The following SLC66A1 variants were observed in gnomAD, a reference collection of about 807,000 sequenced individuals.
The protein encoded by SLC66A1 is solute carrier family 66 member 1.
SLC66A1 carries 23 observed loss-of-function variants against 33.0 expected under a neutral mutation model. The ratio of observed to expected loss-of-function variants is 0.70; its 90% CI spans 0.50 to 0.99. The LOEUF is 0.99. SLC66A1 is among the 50% of genes least tolerant of loss of function. The probability of loss-of-function intolerance (pLI) is 0.00; values close to 1 mark genes in which losing one functional copy is unlikely to be tolerated. For synonymous variants in SLC66A1, 164 were observed against 175.5 expected, an observed-to-expected ratio of 0.93 and a Z score of 0.52; for missense variants, 335 against 383.6, an observed-to-expected ratio of 0.87 and a Z score of 1.06.
In SLC66A1 at chr1:19,326,378, G is replaced by GTCCGTGGGCGCTCCTGTCCGT. The variant is rs2093866972; in HGVS notation, c.516_517insTCCGTGGGCGCTCCTGTCCGT (p.Ser172_Gly173insSerValGlyAlaProValArg). On this transcript the variant is annotated inframe_insertion, in exon 5 of 8. Coordinates refer to ENST00000375153, the MANE Select transcript of SLC66A1 (RefSeq NM_001040125.2). ...GGCGGGCGCTCCTGTCCGTGGAGTC[G>GTCCGTGGGCGCTCCTGTCCGT]GGCAGCAAGGTGAGGCGTGGGCGTG... 5 of 1,606,464 alleles carry GTCCGTGGGCGCTCCTGTCCGT rather than the reference G, an allele frequency of 3.1e-6. No homozygotes were observed. The highest frequency in any genetic ancestry group is 4.2e-6 in the Non-Finnish European group (5 of 1,178,582).
chr1:19,334,058 C>T (rs552033867), downstream of SLC66A1, among the ~76,000 whole-genome samples: 1 of 152,380 alleles, frequency 6.6e-6, no homozygotes, highest in East Asian at 1.9e-4. Context: ...TGGGACAGCC[C>T]TGGGGACACA....
At chr1:19,330,159 T>C (rs1454347742), downstream of SLC66A1, among the ~76,000 whole-genome samples, 2 of 151,990 alleles carry the variant, frequency 1.3e-5, no homozygotes, top group Admixed American at 6.6e-5. Context: ...TCCACTTTCC[T>C]GGGGGTCATG....
In SLC66A1 at chr1:19,327,303, T is replaced by C; in HGVS notation, c.695T>C (p.Leu232Pro). Reference sequence around the variant, plus strand: ...ATGCTGGGGAACACGCTGTATGGGCTGAGCGTGCTGCTCAAAAACCCCGAG... The same window carrying C: ...ATGCTGGGGAACACGCTGTATGGGCCGAGCGTGCTGCTCAAAAACCCCGAG... ...LVMLGNTLYG[L>P]SVLLKNPEEG... Residue 232 changes from leucine (L) to proline (P), a missense_variant, in exon 7 of 8, where the codon CTG becomes CCG. Coordinates refer to ENST00000375153, the MANE Select transcript of SLC66A1 (RefSeq NM_001040125.2). 1.9e-6 allele frequency: 3 copies of C among 1,613,780 alleles called. No individual in the cohort carries two copies. The highest frequency in any genetic ancestry group is 2.5e-6 in the Non-Finnish European group (3 of 1,179,854).
At chr1:19,324,563 T>C in intron 2 of SLC66A1, 70 bp from the exon 3 acceptor site, 2 of 1,580,102 alleles carry the variant, frequency 1.3e-6, no homozygotes, top group African/African-American at 2.7e-5. Context: ...CTCTGGGCGG[T>C]GTCCCCTATA....
At chr1:19,314,284 A>G (rs1172915059) in intron 1 of SLC66A1, among the ~76,000 whole-genome samples, 1 of 152,204 alleles carries the variant, frequency 6.6e-6, no homozygotes, top group Non-Finnish European at 1.5e-5. Context: ...TCCTGGATCC[A>G]TAAACCAAGG....
At chr1:19,320,507 G>A (rs543596198) in intron 2 of SLC66A1, among the ~76,000 whole-genome samples, 8 of 148,604 alleles carry the variant, frequency 5.4e-5, no homozygotes, top group East Asian at 4.0e-4. Flanking sequence ...TCTGCCTTCC[G>A]GGTTCACGCC....
chr1:19,316,305 G>A (rs989081496), intron 1 of SLC66A1, among the ~76,000 whole-genome samples: 24 of 151,700 alleles, frequency 1.6e-4, no homozygotes, highest in African/African-American at 5.8e-4. Flanking sequence ...GGGATCCCTT[G>A]CTCCTCTTCT....
chr1:19,328,738 A>G lies in SLC66A1; in HGVS notation c.*95A>G. The G allele has an allele frequency of 7.3e-7, 1 of 1,367,572 alleles. No individual in the cohort carries two copies. Among genetic ancestry groups the G allele is most frequent in the Non-Finnish European group, 1.0e-6 (1 of 987,988 alleles). 84.7% of individuals were successfully genotyped at this position (1,367,572 alleles called of 1,614,324 possible). A position where few individuals can be genotyped will look rare whatever the true frequency, so the allele number is the denominator to read the frequency against. ...AGTGATGGTACGGCGGCCCTGCATC[A>G]GCCTGCGGGTGGCCTCTGGATCCTC... On this transcript the variant is annotated 3_prime_UTR_variant, in exon 8 of 8. Coordinates refer to ENST00000375153, the MANE Select transcript of SLC66A1 (RefSeq NM_001040125.2). The surrounding 1 kb of genome is among the most constrained non-coding windows in gnomAD (Gnocchi z 4.7).
chr1:19,325,645 G>GC (rs1442971582), intron 4 of SLC66A1, 63 bp downstream of exon 4: 7 of 1,291,734 alleles, frequency 5.4e-6, no homozygotes, highest in Non-Finnish European at 7.7e-6. Context: ...TTGTGGGGGG[G>GC]GGCGCCTGGA....
chr1:19,325,647 GC>G (rs2152012565), intron 4 of SLC66A1, 65 bp downstream of exon 4: 13 of 1,190,480 alleles, frequency 1.1e-5, no homozygotes, highest in Non-Finnish European at 1.3e-5. Flanking sequence ...GTGGGGGGGG[GC>G]GCCTGGAGTG....
At chr1:19,317,311 CTT>C (rs908222007) in intron 1 of SLC66A1, among the ~76,000 whole-genome samples, 12 of 152,218 alleles carry the variant, frequency 7.9e-5, no homozygotes, top group African/African-American at 2.9e-4. Context: ...AAGGCTGAGT[CTT>C]TGCCCAAAGT....
At position 19,321,169 on chromosome 1, in the gene SLC66A1, C is replaced by CTTTTTTTTTTTTT. The variant is rs71577887; in HGVS notation, c.164+3338_164+3350dup. 3.2e-4 allele frequency among the ~76,000 whole-genome samples: 26 copies of CTTTTTTTTTTTTT among 82,108 alleles called. 1 individual carries two copies. The highest frequency in any genetic ancestry group is 5.0e-4 in the South Asian group (1 of 2,006). 53.9% of individuals were successfully genotyped at this position (82,108 alleles called of 152,430 possible). ...TAACAAAGATTTATCCTTATCTCTTCTTTTTTTTTTTTTTTTTTTTTTGAG... is the reference window on the plus strand; with the variant it reads ...TAACAAAGATTTATCCTTATCTCTTCTTTTTTTTTTTTTTTTTTTTTTTTTTTTTTTTTTTGAG... On this transcript the variant is annotated intron_variant, in intron 2 of 7. Transcript: ENST00000375153.
intron 2 of SLC66A1, among the ~76,000 whole-genome samples, chr1:19,322,591 G>A (rs1485952935): frequency 6.6e-6 from 1 of 152,226 alleles, no homozygotes; most frequent in Non-Finnish European, 1.5e-5. Context: ...GGGATGTCAA[G>A]TGTTTCAAAG....
rs778694571 is a variant in SLC66A1, at chr1:19,326,261, C to T, written c.399C>T (p.Asn133=). The T allele has an allele frequency of 6.2e-7, 1 of 1,605,432 alleles. No individual in the cohort carries two copies. Among genetic ancestry groups the T allele is most frequent in the Non-Finnish European group, 8.5e-7 (1 of 1,179,588 alleles). ...TRPSLLSAPI[N]SVLLFLMGMA... ...TGTGTGCAGTGTCTGCCCCCATCAA[C>T]TCCGTGCTGTTGTTCCTCATGGGGA... Residue 133 remains asparagine, a synonymous_variant, in exon 5 of 8, where the codon AAC becomes AAT. Coordinates refer to ENST00000375153, the MANE Select transcript of SLC66A1 (RefSeq NM_001040125.2).
chr1:19,324,521 T>A, intron 2 of SLC66A1, 112 bp from the exon 3 acceptor site: 1 of 1,371,316 alleles, frequency 7.3e-7, no homozygotes, highest in Non-Finnish European at 1.0e-6. Flanking sequence ...CCACTTCCTC[T>A]CCATCGCCGC....
Position 19,328,511 on chromosome 1 carries a change from C to T in SLC66A1, c.805-61C>T, listed in dbSNP as rs1176518238. Reference sequence around the variant, plus strand: ...GGAGGCAGCTCCCAGGAGTCGAAGGCCCCCAGGGGCAGGTCCAACCCAGTC... The same window carrying T: ...GGAGGCAGCTCCCAGGAGTCGAAGGTCCCCAGGGGCAGGTCCAACCCAGTC... On this transcript the variant is annotated intron_variant, in intron 7 of 7. Transcript: ENST00000375153. The surrounding 1 kb of genome is among the most constrained non-coding windows in gnomAD (Gnocchi z 4.7). The T allele has an allele frequency of 3.3e-6, 5 of 1,504,876 alleles. No individual in the cohort carries two copies. Among genetic ancestry groups the T allele is most frequent in the Admixed American group, 3.7e-5 (2 of 54,294 alleles). The allele number at this position is 1,504,876 out of a possible 1,614,324, so 93.2% of individuals were successfully genotyped here. A position where few individuals can be genotyped will look rare whatever the true frequency, so the allele number is the denominator to read the frequency against.
In SLC66A1 at chr1:19,328,225, C is replaced by G. The variant is rs767497271; in HGVS notation, c.805-347C>G. 4.2e-5 allele frequency: 19 copies of G among 448,732 alleles called. No individual in the cohort carries two copies. The highest frequency in any genetic ancestry group is 6.9e-5 in the Non-Finnish European group (17 of 245,264). The allele number at this position is 448,732 out of a possible 1,614,324, so 27.8% of individuals were successfully genotyped here. On this transcript the variant is annotated intron_variant, in intron 7 of 7. Transcript: ENST00000375153. The surrounding 1 kb of genome is among the most constrained non-coding windows in gnomAD (Gnocchi z 4.7). ...GCGCAGGGAGGGGTGAAAGTTTAGGCTCTTGTGCCCCAAAACGGCCCAGCC... is the reference window on the plus strand; with the variant it reads ...GCGCAGGGAGGGGTGAAAGTTTAGGGTCTTGTGCCCCAAAACGGCCCAGCC...
chr1:19,329,768 G>A (rs1178916778), downstream of SLC66A1, among the ~76,000 whole-genome samples: 1 of 152,182 alleles, frequency 6.6e-6, no homozygotes, highest in African/African-American at 2.4e-5. Flanking sequence ...CTTTTAGTTG[G>A]AGAAGAGGAG....
In SLC66A1 at chr1:19,328,441, C is replaced by A; in HGVS notation, c.805-131C>A. The A allele has an allele frequency of 1.2e-6, 1 of 815,672 alleles. No individual in the cohort carries two copies. The highest frequency in any genetic ancestry group is 2.0e-6 in the Non-Finnish European group (1 of 493,788). The allele number at this position is 815,672 out of a possible 1,614,324, so 50.5% of individuals were successfully genotyped here. On this transcript the variant is annotated intron_variant, in intron 7 of 7. Transcript: ENST00000375153. This position sits in a 1 kb window ranked among gnomAD's most constrained non-coding sequence, Gnocchi z 4.7. ...TAAGGTAGCGGCTGGGAGGTTATGG[C>A]TGGCCCTTCCCACCTGCAGCGTGGG...
Sources: allele counts gnomAD v4.1 joint callset (sites outside exome capture counted in the v4.1 genomes callset), GRCh38; gene constraint gnomAD v4.1.1; non-coding constraint Gnocchi (gnomAD v3.1); transcripts MANE v1.5; gene names NCBI Gene and HGNC (gene_info 2026-07-23, HGNC 2026-07-21).